Variants in SLC9A9 observed in about 807,000 individuals in gnomAD.
The protein encoded by SLC9A9 is solute carrier family 9 member A9, also known as sodium/hydrogen exchanger 9.
SLC9A9 carries 62 observed loss-of-function variants against 77.8 expected under a neutral mutation model. That is an observed-to-expected ratio of 0.80 (90% CI 0.65 to 0.98). The LOEUF (loss-of-function observed/expected upper bound fraction) is 0.98, where lower values mean the gene tolerates loss of function less well. Ranked by LOEUF, SLC9A9 falls within the 50% of genes least tolerant of loss-of-function variation. The pLI is 0.00. For synonymous variants in SLC9A9, 320 were observed against 283.5 expected (o/e 1.13, Z -1.29); for missense variants, 775 against 774.9 (o/e 1.00, Z 0.00).
chr3:143,361,296 C>T (rs1196731864), intron 14 of SLC9A9, among the ~76,000 whole-genome samples: 1 of 152,200 alleles, frequency 6.6e-6, no homozygotes, highest in African/African-American at 2.4e-5. Flanking sequence ...ACTAACAGCT[C>T]CAAACTACAT....
At chr3:143,691,609 A>G (rs1467502752) in intron 5 of SLC9A9, among the ~76,000 whole-genome samples, 1 of 152,158 alleles carries the variant, frequency 6.6e-6, no homozygotes, top group Non-Finnish European at 1.5e-5. Flanking sequence ...TATCCTGGCT[A>G]TTACGAGTGA....
chr3:143,644,907 CTTAAG>C (rs573790805), intron 6 of SLC9A9, among the ~76,000 whole-genome samples: 223 of 152,160 alleles, frequency 1.5e-3, no homozygotes, highest in African/African-American at 5.1e-3. Context: ...GAAACTTGTT[CTTAAG>C]TTAAGCAGAT....
intron 14 of SLC9A9, among the ~76,000 whole-genome samples, chr3:143,345,349 G>C (rs2032231842): frequency 6.6e-6 from 1 of 152,072 alleles, no homozygotes; most frequent in Non-Finnish European, 1.5e-5. Flanking sequence ...GAAAAGTAGG[G>C]GGAAATTCAG....
chr3:143,704,085 A>T (rs1350732950), intron 4 of SLC9A9, among the ~76,000 whole-genome samples: 3 of 152,182 alleles, frequency 2.0e-5, no homozygotes, highest in South Asian at 2.1e-4. Context: ...TTGTAATAAA[A>T]TGTCTCCCAG....
intron 4 of SLC9A9, among the ~76,000 whole-genome samples, chr3:143,695,969 T>C (rs1173891391): frequency 6.6e-6 from 1 of 150,666 alleles, no homozygotes; most frequent in Non-Finnish European, 1.5e-5. Flanking sequence ...GAAGTGTCTG[T>C]TCATATCCTT....
intron 1 of SLC9A9, among the ~76,000 whole-genome samples, chr3:143,833,917 A>G (rs1260849215): frequency 6.6e-6 from 1 of 152,202 alleles, no homozygotes; most frequent in East Asian, 1.9e-4. Flanking sequence ...CTCTAGACCT[A>G]GACCATAGGC....
chr3:143,467,306 A>G lies in SLC9A9; in HGVS notation c.1316-116T>C. 4 of 1,124,264 alleles carry G rather than the reference A, an allele frequency of 3.6e-6. No individual in the cohort carries two copies. In the South Asian group the frequency reaches 4.3e-5, roughly 12 times the overall value. The allele number at this position is 1,124,264 out of a possible 1,614,324, so 69.6% of individuals were successfully genotyped here. A position where few individuals can be genotyped will look rare whatever the true frequency, so the allele number is the denominator to read the frequency against. On this transcript the variant is annotated intron_variant, in intron 11 of 15. Transcript: ENST00000316549. ...TTTTTAAATTAATCTTTTTATTTTG[A>G]GATAATTATAGATTCATAAAGAGTT...
At chr3:143,602,871 A>G (rs1453304341) in intron 6 of SLC9A9, among the ~76,000 whole-genome samples, 1 of 152,202 alleles carries the variant, frequency 6.6e-6, no homozygotes, top group Non-Finnish European at 1.5e-5. Flanking sequence ...AAAATATAGC[A>G]TTTGAAATGG....
At chr3:143,455,838 T>C (rs565316230) in intron 12 of SLC9A9, among the ~76,000 whole-genome samples, 20 of 151,858 alleles carry the variant, frequency 1.3e-4, no homozygotes, top group African/African-American at 4.6e-4. Flanking sequence ...TAAACAATTA[T>C]AAAGGCTGAA....
At chr3:143,386,371 A>G (rs2033426291) in intron 12 of SLC9A9, among the ~76,000 whole-genome samples, 1 of 152,204 alleles carries the variant, frequency 6.6e-6, no homozygotes, top group South Asian at 2.1e-4. Flanking sequence ...GGGTCAGTGA[A>G]ACCCAGATGT....
chr3:143,777,903 C>G (rs138628690), intron 4 of SLC9A9, among the ~76,000 whole-genome samples: 1 of 151,362 alleles, frequency 6.6e-6, no homozygotes, highest in Non-Finnish European at 1.5e-5. Context: ...TTAGTAGAGA[C>G]GGGGTTTCAC....
At chr3:143,317,763 T>A (rs2031269125) in intron 14 of SLC9A9, among the ~76,000 whole-genome samples, 1 of 152,244 alleles carries the variant, frequency 6.6e-6, no homozygotes, top group Admixed American at 6.5e-5. Flanking sequence ...AGTCTCGCTC[T>A]GTCACCCAGG....
At chr3:143,492,257 A>T (rs1240878752) in intron 11 of SLC9A9, among the ~76,000 whole-genome samples, 1 of 144,544 alleles carries the variant, frequency 6.9e-6, no homozygotes, top group Non-Finnish European at 1.5e-5. Flanking sequence ...ACACCACTGC[A>T]CTCCAGCCTG....
intron 1 of SLC9A9, among the ~76,000 whole-genome samples, chr3:143,844,091 T>C (rs2009771703): frequency 6.6e-6 from 1 of 152,206 alleles, no homozygotes; most frequent in East Asian, 1.9e-4. Context: ...ATGGATTATT[T>C]ATACTATTTG....
intron 4 of SLC9A9, among the ~76,000 whole-genome samples, chr3:143,715,993 C>G (rs16854182): frequency 6.6e-6 from 1 of 152,190 alleles, no homozygotes; most frequent in Non-Finnish European, 1.5e-5. Flanking sequence ...AAGCCACCAT[C>G]GTCCATAGCA....
chr3:143,525,508 A>G (rs942884554), intron 9 of SLC9A9, among the ~76,000 whole-genome samples: 12 of 152,196 alleles, frequency 7.9e-5, no homozygotes, highest in Admixed American at 5.9e-4. Context: ...GAGGTAGCAT[A>G]TGAGTCTCAT....
chr3:143,411,075 T>C (rs1419296428), intron 12 of SLC9A9, among the ~76,000 whole-genome samples: 2 of 152,238 alleles, frequency 1.3e-5, no homozygotes, highest in Admixed American at 1.3e-4. Context: ...TTTAGAATTA[T>C]GTTTTTAACA....
intron 4 of SLC9A9, among the ~76,000 whole-genome samples, chr3:143,720,035 A>G (rs1439718340): frequency 1.3e-5 from 2 of 151,832 alleles, no homozygotes; most frequent in Non-Finnish European, 2.9e-5. Flanking sequence ...TAACCCTAAT[A>G]GTTGAAATTT....
chr3:143,705,549 G>A (rs1251906494), intron 4 of SLC9A9, among the ~76,000 whole-genome samples: 7 of 152,046 alleles, frequency 4.6e-5, no homozygotes, highest in African/African-American at 1.7e-4. Context: ...CTGTATCAGT[G>A]AATCACATGT....
Sources: allele counts gnomAD v4.1 joint callset (sites outside exome capture counted in the v4.1 genomes callset), GRCh38; gene constraint gnomAD v4.1.1; transcripts MANE v1.5; gene names NCBI Gene and HGNC (gene_info 2026-07-23, HGNC 2026-07-21).